ZFPM2: variants seen among roughly 807,000 people sequenced by gnomAD.
ZFPM2 encodes the protein zinc finger protein ZFPM2.
A neutral mutation model predicts 98.6 loss-of-function variants in ZFPM2; 20 were observed. The observed-to-expected ratio is 0.20, with a 90% CI of 0.14 to 0.29. The LOEUF (loss-of-function observed/expected upper bound fraction) is 0.29. Ranked by LOEUF, ZFPM2 falls within the 10% of genes least tolerant of loss-of-function variation. The pLI is 1.00. For missense variants in ZFPM2, 1,310 were observed against 1,388.6 expected (o/e 0.94, Z 0.90); for synonymous variants, 518 against 502.7 (o/e 1.03, Z -0.41).
intron 7 of ZFPM2, 41 bp downstream of exon 7, chr8:105,798,989 C>CTGTT: frequency 6.5e-7 from 1 of 1,537,260 alleles, no homozygotes; most frequent in Non-Finnish European, 8.9e-7. Flanking sequence ...CCAGAAGACT[C>CTGTT]TGTTATTTTT....
At chr8:105,609,842 T>G (rs955042893) in intron 4 of ZFPM2, among the ~76,000 whole-genome samples, 1 of 152,226 alleles carries the variant, frequency 6.6e-6, no homozygotes, top group Non-Finnish European at 1.5e-5. Flanking sequence ...GGTACTTGGC[T>G]ATTTATTGAA....
intron 5 of ZFPM2, among the ~76,000 whole-genome samples, chr8:105,659,544 G>C (rs140222343): frequency 5.8e-4 from 89 of 152,216 alleles, no homozygotes; most frequent in African/African-American, 1.9e-3. Flanking sequence ...GAGAGGGGTG[G>C]CATAAAACAA....
At chr8:105,440,288 A>G (rs2130187832) in intron 2 of ZFPM2, among the ~76,000 whole-genome samples, 1 of 151,922 alleles carries the variant, frequency 6.6e-6, no homozygotes, top group South Asian at 2.1e-4. Flanking sequence ...GGCATGTGAT[A>G]CTGATTTTCC....
chr8:105,619,225 T>A lies in ZFPM2; in HGVS notation c.421-15021T>A, dbSNP rs1448332149. 2.6e-5 allele frequency among the ~76,000 whole-genome samples: 4 copies of A among 152,308 alleles called. No homozygotes were observed. The East Asian group carries it at 7.7e-4, about 29-fold the overall frequency. On this transcript the variant is annotated intron_variant, in intron 4 of 7. Coordinates refer to ENST00000407775, the MANE Select transcript of ZFPM2 (RefSeq NM_012082.4). Reference sequence around the variant, plus strand: ...CCGCTTCTTATCTATTACTATGTTGTTGTTTGGTCATGGACCATCAAATAT... The same window carrying A: ...CCGCTTCTTATCTATTACTATGTTGATGTTTGGTCATGGACCATCAAATAT...
At chr8:105,425,861 T>C (rs1811897387) in intron 2 of ZFPM2, among the ~76,000 whole-genome samples, 2 of 152,216 alleles carry the variant, frequency 1.3e-5, no homozygotes, top group Non-Finnish European at 2.9e-5. Context: ...TTTAACTGTA[T>C]CTTTATGCAG....
chr8:105,696,515 C>A (rs567890828), intron 5 of ZFPM2, among the ~76,000 whole-genome samples: 1 of 152,142 alleles, frequency 6.6e-6, no homozygotes, highest in Admixed American at 6.5e-5. Context: ...CTTCCTTCCA[C>A]TTTATTTGCT....
intron 5 of ZFPM2, among the ~76,000 whole-genome samples, chr8:105,654,647 G>A (rs948299928): frequency 1.3e-5 from 2 of 151,904 alleles, no homozygotes; most frequent in African/African-American, 4.8e-5. Context: ...AAGAACTGTT[G>A]TCAAGGTGAA....
At chr8:105,410,944 C>T (rs767917164) in intron 1 of ZFPM2, among the ~76,000 whole-genome samples, 2 of 151,784 alleles carry the variant, frequency 1.3e-5, no homozygotes, top group Non-Finnish European at 2.9e-5. Flanking sequence ...CTTGTCTTAT[C>T]TCACATCTTC....
At chr8:105,595,816 A>T (rs965440679) in intron 4 of ZFPM2, among the ~76,000 whole-genome samples, 1 of 152,074 alleles carries the variant, frequency 6.6e-6, no homozygotes, top group Non-Finnish European at 1.5e-5. Context: ...GGTTTTAGCC[A>T]TATGAATAGG....
chr8:105,668,456 A>C (rs1473553129), intron 5 of ZFPM2, among the ~76,000 whole-genome samples: 2 of 152,124 alleles, frequency 1.3e-5, no homozygotes, highest in Non-Finnish European at 2.9e-5. Context: ...CATTTTCTTA[A>C]AACAGAAAAA....
intron 3 of ZFPM2, among the ~76,000 whole-genome samples, chr8:105,530,271 T>C (rs1325996252): frequency 6.6e-6 from 1 of 152,158 alleles, no homozygotes; most frequent in Non-Finnish European, 1.5e-5. Flanking sequence ...ATAATCTTTA[T>C]GAAAATCTCA....
intron 5 of ZFPM2, among the ~76,000 whole-genome samples, chr8:105,639,944 T>C (rs1237571733): frequency 4.6e-5 from 7 of 152,022 alleles, no homozygotes; most frequent in African/African-American, 2.4e-5. Context: ...AGTGAAAGTC[T>C]TATATACAAT....
chr8:105,366,498 AAT>A (rs1419723371), intron 1 of ZFPM2, among the ~76,000 whole-genome samples: 758 of 6,414 alleles, frequency 0.12, 5 homozygotes, highest in African/African-American at 0.21. Context: ...TCTTTTTTTT[AAT>A]TTTTTTCATT....
At chr8:105,566,892 G>A (rs754217585) in intron 4 of ZFPM2, among the ~76,000 whole-genome samples, 4 of 151,594 alleles carry the variant, frequency 2.6e-5, no homozygotes, top group Non-Finnish European at 5.9e-5. Flanking sequence ...TTTCCCACAG[G>A]GTATTTGTGA....
At chr8:105,469,155 A>G (rs891304830) in intron 3 of ZFPM2, among the ~76,000 whole-genome samples, 8 of 152,120 alleles carry the variant, frequency 5.3e-5, no homozygotes, top group Non-Finnish European at 1.2e-4. Flanking sequence ...ATTTTTTCCT[A>G]TTATCTTTGC....
intron 1 of ZFPM2, among the ~76,000 whole-genome samples, chr8:105,361,423 G>T (rs1443973546): frequency 6.7e-6 from 1 of 149,890 alleles, no homozygotes; most frequent in African/African-American, 2.5e-5. Flanking sequence ...TTTGTAGGTT[G>T]CCTGTTCACT....
At chr8:105,654,456 G>C (rs1817243936) in intron 5 of ZFPM2, among the ~76,000 whole-genome samples, 1 of 152,098 alleles carries the variant, frequency 6.6e-6, no homozygotes, top group African/African-American at 2.4e-5. Context: ...TGGTGGACAA[G>C]GTTTAAATCT....
At chr8:105,681,108 G>T (rs796474060) in intron 5 of ZFPM2, among the ~76,000 whole-genome samples, 21 of 152,202 alleles carry the variant, frequency 1.4e-4, no homozygotes, top group African/African-American at 5.1e-4. Flanking sequence ...TATGACCAGA[G>T]CATTCTTTAT....
chr8:105,760,671 T>G (rs1812715150), intron 5 of ZFPM2, among the ~76,000 whole-genome samples: 1 of 152,020 alleles, frequency 6.6e-6, no homozygotes, highest in Admixed American at 6.6e-5. Flanking sequence ...CTGTGACATC[T>G]TTAGGGATAG....
Sources: gnomAD v4.1 joint callset for allele counts (sites outside exome capture counted in the v4.1 genomes callset) on GRCh38, gnomAD v4.1.1 for gene constraint, MANE v1.5 for transcripts, NCBI Gene and HGNC (gene_info 2026-07-23, HGNC 2026-07-21) for gene names.